KLHL29: variants seen among roughly 807,000 people sequenced by gnomAD.
KLHL29 encodes kelch-like protein 29.
A neutral mutation model predicts 80.4 loss-of-function variants in KLHL29; 21 were observed. The ratio of observed to expected loss-of-function variants is 0.26; its 90% CI spans 0.19 to 0.38. The LOEUF is 0.38. KLHL29 is among the 10% of genes least tolerant of loss of function. The pLI is 1.00. For missense variants in KLHL29, 867 were observed against 1,223.9 expected (o/e 0.71, Z 4.35); for synonymous variants, 511 against 526.8 (o/e 0.97, Z 0.41).
intron 5 of KLHL29, among the ~76,000 whole-genome samples, chr2:23,676,447 G>A (rs1199896661): frequency 2.6e-5 from 4 of 152,222 alleles, no homozygotes; most frequent in Non-Finnish European, 4.4e-5. Flanking sequence ...CTCCCAAAGT[G>A]CTGGGATTAC....
At chr2:23,592,826 G>A (rs1275039734) in intron 3 of KLHL29, among the ~76,000 whole-genome samples, 2 of 152,206 alleles carry the variant, frequency 1.3e-5, no homozygotes, top group Non-Finnish European at 1.5e-5. Flanking sequence ...AAGTCCCGGT[G>A]ACCTTCTGCA....
chr2:23,533,202 T>A (rs1220717877), intron 2 of KLHL29, among the ~76,000 whole-genome samples: 1 of 152,010 alleles, frequency 6.6e-6, no homozygotes, highest in Non-Finnish European at 1.5e-5. Context: ...AAACCATGCG[T>A]ATGTGTGAGT....
In KLHL29 at chr2:23,702,950, C is replaced by G. The variant is rs188052169; in HGVS notation, c.2106-236C>G. 1.1e-3 allele frequency among the ~76,000 whole-genome samples: 170 copies of G among 151,376 alleles called. 1 individual carries two copies. The highest frequency in any genetic ancestry group is 3.8e-3 in the African/African-American group (159 of 41,354). On this transcript the variant is annotated intron_variant, in intron 11 of 13. Coordinates refer to ENST00000486442, the MANE Select transcript of KLHL29 (RefSeq NM_052920.2). ...AGACAGGAATTCTGCACAGACGCTG[C>G]CATAGGCAGAAAGAGCCCACTGATG...
chr2:23,452,914 A>C (rs1171209882), intron 1 of KLHL29, among the ~76,000 whole-genome samples: 3 of 149,226 alleles, frequency 2.0e-5, no homozygotes, highest in African/African-American at 5.0e-5. Context: ...CCCCCCGCCC[A>C]CACACACACA....
rs1197119139 is a variant in KLHL29, at chr2:23,658,272, G to C, written c.940+15422G>C. On this transcript the variant is annotated intron_variant, in intron 5 of 13. Coordinates refer to ENST00000486442, the MANE Select transcript of KLHL29 (RefSeq NM_052920.2). The stretch of plus-strand genomic sequence containing the variant: ...TGCCACCAGAGCCGAAGCCCTGCCT[G>C]AGCGTCATGGGCTTGTGAGGAAAAC... Among the ~76,000 whole-genome samples the C allele has an allele frequency of 9.2e-5, 14 of 152,142 alleles. 1 individual carries two copies. The highest frequency in any genetic ancestry group is 6.5e-4 in the Admixed American group (10 of 15,290).
chr2:23,411,447 G>A (rs1572490818), intron 1 of KLHL29, among the ~76,000 whole-genome samples: 1 of 148,928 alleles, frequency 6.7e-6, no homozygotes, highest in Non-Finnish European at 1.5e-5. Context: ...ATGGAAGGGC[G>A]AGGTAATGGG....
At chr2:23,585,793 C>T (rs1451545534) in intron 3 of KLHL29, among the ~76,000 whole-genome samples, 2 of 152,172 alleles carry the variant, frequency 1.3e-5, no homozygotes, top group African/African-American at 4.8e-5. Context: ...CAGTGCCAAG[C>T]CCACCAGCCG....
chr2:23,497,236 G>GT (rs1443600801), intron 2 of KLHL29, among the ~76,000 whole-genome samples: 1 of 152,136 alleles, frequency 6.6e-6, no homozygotes, highest in African/African-American at 2.4e-5. Context: ...CGGGATGAAA[G>GT]TAAGTGACTC....
At chr2:23,564,135 C>T (rs1667527568) in intron 3 of KLHL29, among the ~76,000 whole-genome samples, 1 of 152,224 alleles carries the variant, frequency 6.6e-6, no homozygotes, top group African/African-American at 2.4e-5. Flanking sequence ...AAGTGTCTGT[C>T]CTTTTAAGGA....
intron 3 of KLHL29, among the ~76,000 whole-genome samples, chr2:23,587,127 A>G (rs556448569): frequency 6.6e-6 from 1 of 152,150 alleles, no homozygotes; most frequent in East Asian, 1.9e-4. Flanking sequence ...AAATTGCAGC[A>G]ATTTTGCACT....
intron 2 of KLHL29, among the ~76,000 whole-genome samples, chr2:23,559,277 C>T (rs559962013): frequency 3.9e-5 from 6 of 152,268 alleles, no homozygotes; most frequent in South Asian, 4.2e-4. Flanking sequence ...AAAGGGAGCC[C>T]GCCCAGATCC....
At chr2:23,657,362 T>C (rs1670275669) in intron 5 of KLHL29, among the ~76,000 whole-genome samples, 1 of 152,216 alleles carries the variant, frequency 6.6e-6, no homozygotes, top group Non-Finnish European at 1.5e-5. Flanking sequence ...TTCACTTCTT[T>C]ACTGTTCTTA....
rs1668453487 is a variant in KLHL29, at chr2:23,597,405, ATATTTTTTTTTTTTTTTTT to A, written c.285+34926_285+34944del. Among the ~76,000 whole-genome samples, 33 of 28,690 alleles carry A rather than the reference ATATTTTTTTTTTTTTTTTT, an allele frequency of 1.2e-3. 2 individuals carry two copies. The highest frequency in any genetic ancestry group is 5.3e-3 in the Admixed American group (10 of 1,884). 18.8% of individuals were successfully genotyped at this position (28,690 alleles called of 152,430 possible). A position where few individuals can be genotyped will look rare whatever the true frequency, so the allele number is the denominator to read the frequency against. On this transcript the variant is annotated intron_variant, in intron 3 of 13. Coordinates refer to ENST00000486442, the MANE Select transcript of KLHL29 (RefSeq NM_052920.2). ...TGTGTATATATATATATATATATATATATTTTTTTTTTTTTTTTTTTTTTTTTTTTTTTTCTGAGACAGA... is the reference window on the plus strand; with the variant it reads ...TGTGTATATATATATATATATATATATTTTTTTTTTTTTTTCTGAGACAGA...
intron 2 of KLHL29, among the ~76,000 whole-genome samples, chr2:23,492,812 C>T (rs576371225): frequency 2.6e-5 from 4 of 152,222 alleles, no homozygotes; most frequent in Admixed American, 2.6e-4. Context: ...CTGGCTGGTC[C>T]CGAACCTCCT....
chr2:23,645,457 T>C (rs1211389799), intron 5 of KLHL29, among the ~76,000 whole-genome samples: 1 of 151,408 alleles, frequency 6.6e-6, no homozygotes, highest in Admixed American at 6.6e-5. Flanking sequence ...AACTCCACTT[T>C]AGAAAAAAAA....
intron 6 of KLHL29, chr2:23,690,218 G>A (rs1341604755): frequency 6.6e-6 from 1 of 152,264 alleles, no homozygotes; most frequent in Non-Finnish European, 1.5e-5. Flanking sequence ...ACGTAGGGAA[G>A]AGTCTCGTGG....
chr2:23,553,050 A>G (rs1667169508), intron 2 of KLHL29, among the ~76,000 whole-genome samples: 1 of 150,952 alleles, frequency 6.6e-6, no homozygotes, highest in African/African-American at 2.4e-5. Flanking sequence ...ATGAGCCACC[A>G]CTCCCGGCCA....
intron 5 of KLHL29, among the ~76,000 whole-genome samples, chr2:23,661,913 C>G (rs1476766746): frequency 6.6e-6 from 1 of 152,244 alleles, no homozygotes; most frequent in Non-Finnish European, 1.5e-5. Flanking sequence ...GCCAGGTATC[C>G]TCTAGAATCC....
At chr2:23,487,498 C>G (rs895947029) in intron 2 of KLHL29, among the ~76,000 whole-genome samples, 4 of 152,158 alleles carry the variant, frequency 2.6e-5, no homozygotes, top group Non-Finnish European at 2.9e-5. Context: ...TTCTGGGAAC[C>G]CTGGCTGCAT....
Sources: gnomAD v4.1 joint callset for allele counts (sites outside exome capture counted in the v4.1 genomes callset) on GRCh38, gnomAD v4.1.1 for gene constraint, MANE v1.5 for transcripts, NCBI Gene and HGNC (gene_info 2026-07-23, HGNC 2026-07-21) for gene names.